Variants in ARHGEF28 observed in about 807,000 individuals in gnomAD.
The protein encoded by ARHGEF28 is 190 kDa guanine nucleotide exchange factor.
ARHGEF28 carries 152 observed loss-of-function variants against 206.6 expected under a neutral mutation model. The observed-to-expected ratio is 0.74, with a 90% CI of 0.64 to 0.84. ARHGEF28 has a LOEUF of 0.84. Ranked by LOEUF, ARHGEF28 falls within the 40% of genes least tolerant of loss-of-function variation. The pLI is 0.00. For synonymous variants in ARHGEF28, 763 were observed against 776.4 expected (o/e 0.98, Z 0.29); for missense variants, 2,028 against 2,073.2 (o/e 0.98, Z 0.42).
intron 2 of ARHGEF28, among the ~76,000 whole-genome samples, chr5:73,748,640 G>A (rs1384095369): frequency 6.6e-6 from 1 of 152,116 alleles, no homozygotes; most frequent in Non-Finnish European, 1.5e-5. Flanking sequence ...CATAGGGTAA[G>A]GATATCTTGG....
At chr5:73,849,265 TTTTG>T in intron 13 of ARHGEF28, 178 bp downstream of exon 13, 1 of 548,162 alleles carries the variant, frequency 1.8e-6, no homozygotes, top group Non-Finnish European at 3.2e-6. Context: ...CCAAATTTGA[TTTTG>T]ATCAGATTTG....
intron 4 of ARHGEF28, among the ~76,000 whole-genome samples, chr5:73,764,173 A>G (rs1315446423): frequency 6.6e-6 from 1 of 152,198 alleles, no homozygotes; most frequent in Non-Finnish European, 1.5e-5. Context: ...AAACTTGAGA[A>G]TTAAATGGCT....
chr5:73,719,267 T>C (rs1749770278), intron 2 of ARHGEF28, among the ~76,000 whole-genome samples: 1 of 152,030 alleles, frequency 6.6e-6, no homozygotes, highest in Non-Finnish European at 1.5e-5. Flanking sequence ...AAAAATTAGC[T>C]GGGCATGGTG....
intron 10 of ARHGEF28, among the ~76,000 whole-genome samples, chr5:73,836,500 G>GGTTT (rs1037931395): frequency 4.6e-5 from 7 of 151,518 alleles, no homozygotes; most frequent in South Asian, 2.1e-4. Flanking sequence ...GTTATTTGTG[G>GGTTT]GTTTGTTTGT....
At chr5:73,648,590 C>T (rs891435637) in intron 1 of ARHGEF28, among the ~76,000 whole-genome samples, 1 of 152,138 alleles carries the variant, frequency 6.6e-6, no homozygotes, top group Non-Finnish European at 1.5e-5. Context: ...GCTGAATGTT[C>T]CCTAAACAAG....
chr5:73,646,960 A>G (rs991713722), intron 1 of ARHGEF28, among the ~76,000 whole-genome samples: 3 of 152,150 alleles, frequency 2.0e-5, no homozygotes, highest in African/African-American at 7.2e-5. Context: ...GCTCACCACC[A>G]CTTGTCTGCG....
intron 35 of ARHGEF28, among the ~76,000 whole-genome samples, chr5:73,926,818 G>C (rs1763839896): frequency 6.6e-6 from 1 of 152,174 alleles, no homozygotes; most frequent in South Asian, 2.1e-4. Context: ...TATTCTACTT[G>C]TCTGTGTATT....
intron 2 of ARHGEF28, among the ~76,000 whole-genome samples, chr5:73,721,619 C>T (rs1204195944): frequency 6.6e-6 from 1 of 152,028 alleles, no homozygotes; most frequent in Non-Finnish European, 1.5e-5. Flanking sequence ...GTCCCCCAGG[C>T]TGGAGTGCAG....
chr5:73,670,176 A>G (rs1746221452), intron 1 of ARHGEF28, among the ~76,000 whole-genome samples: 1 of 152,264 alleles, frequency 6.6e-6, no homozygotes, highest in Non-Finnish European at 1.5e-5. Flanking sequence ...TTTGGCAACC[A>G]CTAATCTGCC....
intron 2 of ARHGEF28, among the ~76,000 whole-genome samples, chr5:73,704,468 A>G (rs1327276859): frequency 6.6e-6 from 1 of 152,134 alleles, no homozygotes; most frequent in African/African-American, 2.4e-5. Flanking sequence ...TCTGTCACCC[A>G]GGCTGGAGTG....
chr5:73,880,847 G>A (rs191264183), intron 22 of ARHGEF28, among the ~76,000 whole-genome samples: 184 of 152,068 alleles, frequency 1.2e-3, no homozygotes, highest in Admixed American at 3.4e-3. Flanking sequence ...TGGGCAGATC[G>A]CCTGAGCCTG....
chr5:73,695,303 A>G (rs1224524049), intron 2 of ARHGEF28, among the ~76,000 whole-genome samples: 4 of 152,012 alleles, frequency 2.6e-5, no homozygotes, highest in African/African-American at 7.2e-5. Flanking sequence ...CTCTTTGTCT[A>G]TTGTGCTTTC....
intron 11 of ARHGEF28, among the ~76,000 whole-genome samples, chr5:73,843,933 GAA>G (rs1429724212): frequency 6.6e-6 from 1 of 152,036 alleles, no homozygotes; most frequent in African/African-American, 2.4e-5. Flanking sequence ...AAATTTAAGT[GAA>G]GTCTTATAAA....
rs781047656 is a variant in ARHGEF28 at position 73,885,947 on chromosome 5, C to A, written c.3153C>A (p.Asn1051Lys). The A allele has an allele frequency of 8.7e-6, 14 of 1,613,284 alleles. No individual in the cohort carries two copies. The highest frequency in any genetic ancestry group is 1.2e-5 in the Non-Finnish European group (14 of 1,179,668). Residue 1051 changes from asparagine (N) to lysine (K), a missense_variant, in exon 25 of 36, where the codon AAC becomes AAA. Around this residue, in one of 3 missense-constraint regions of ARHGEF28, gnomAD observed 223 missense variants for 289.9 expected, o/e 0.77. Transcript: ENST00000513042. Reference sequence around the variant, plus strand: ...TAAAAGTCAATGAATATGAGAAAAACCAAAAATGGCTTGAGATCCTAAATA... The same window carrying A: ...TAAAAGTCAATGAATATGAGAAAAAACAAAAATGGCTTGAGATCCTAAATA... Reference protein sequence around the residue: ...VDLKVNEYEKNQKWLEILNKI... With the variant: ...VDLKVNEYEKKQKWLEILNKI...
intron 2 of ARHGEF28, among the ~76,000 whole-genome samples, chr5:73,740,725 C>G (rs1751330554): frequency 6.6e-6 from 1 of 152,194 alleles, no homozygotes; most frequent in South Asian, 2.1e-4. Flanking sequence ...TCCTTTTCCT[C>G]TGAACGTGTT....
At chr5:73,767,183 T>C (rs1407665683) in intron 4 of ARHGEF28, among the ~76,000 whole-genome samples, 1 of 152,216 alleles carries the variant, frequency 6.6e-6, no homozygotes, top group Non-Finnish European at 1.5e-5. Flanking sequence ...CACTTTCTTT[T>C]GTAAATTGCC....
chr5:73,826,929 C>T lies in ARHGEF28; in HGVS notation c.1025-5409C>T, dbSNP rs536547446. Reference sequence around the variant, plus strand: ...ATAGGAGAGAGGAGAGCTGGGGATCCCCTTGGAGTTGCTGTTTATCCTCCA... The same window carrying T: ...ATAGGAGAGAGGAGAGCTGGGGATCTCCTTGGAGTTGCTGTTTATCCTCCA... On this transcript the variant is annotated intron_variant, in intron 9 of 35. Coordinates refer to ENST00000513042, the MANE Select transcript of ARHGEF28 (RefSeq NM_001177693.2). Among the ~76,000 whole-genome samples, 4 of 152,160 alleles carry T rather than the reference C, an allele frequency of 2.6e-5. No individual in the cohort carries two copies. The South Asian group carries it at 8.3e-4, about 32-fold the overall frequency.
At chr5:73,813,610 C>T in intron 9 of ARHGEF28, 1 of 1,535,834 alleles carries the variant, frequency 6.5e-7, no homozygotes, top group Non-Finnish European at 8.7e-7. Flanking sequence ...CTCCGACTCA[C>T]CTTTTAACTA....
chr5:73,805,707 G>A (rs561994568), intron 9 of ARHGEF28, among the ~76,000 whole-genome samples: 1 of 152,238 alleles, frequency 6.6e-6, no homozygotes, highest in African/African-American at 2.4e-5. Context: ...ATATCAGCAT[G>A]CACTCATGTT....
Sources: allele counts gnomAD v4.1 joint callset (sites outside exome capture counted in the v4.1 genomes callset), GRCh38; gene constraint gnomAD v4.1.1; regional missense constraint gnomAD v4.1.1; transcripts MANE v1.5; gene names NCBI Gene and HGNC (gene_info 2026-07-23, HGNC 2026-07-21).